The following PCCA variants were observed in gnomAD, a reference collection of about 807,000 sequenced individuals.
PCCA encodes the protein propionyl-CoA carboxylase alpha chain, mitochondrial.
A neutral mutation model predicts 101.3 loss-of-function variants in PCCA; 74 were observed. The ratio of observed to expected loss-of-function variants is 0.73; its 90% CI spans 0.61 to 0.89. The LOEUF is 0.89. PCCA is among the 40% of genes least tolerant of loss of function. The pLI, the probability that PCCA is intolerant of heterozygous loss-of-function variation, is 0.00. For synonymous variants in PCCA, 294 were observed against 313.6 expected, an observed-to-expected ratio of 0.94 and a Z score of 0.66; for missense variants, 891 against 907.0, an observed-to-expected ratio of 0.98 and a Z score of 0.23.
intron 20 of PCCA, among the ~76,000 whole-genome samples, chr13:100,431,649 G>C (rs2079555088): frequency 1.4e-5 from 2 of 144,372 alleles, no homozygotes; most frequent in African/African-American, 2.6e-5. Context: ...GGTGGATCAC[G>C]AGGTCAGGAG....
At chr13:100,256,425 G>A (rs570292968) in intron 8 of PCCA, among the ~76,000 whole-genome samples, 1 of 152,130 alleles carries the variant, frequency 6.6e-6, no homozygotes, top group South Asian at 2.1e-4. Context: ...TCTCTTCTTG[G>A]ATTTGAAGGC....
At chr13:100,169,677 G>A (rs111365682) in intron 6 of PCCA, among the ~76,000 whole-genome samples, 7 of 148,610 alleles carry the variant, frequency 4.7e-5, no homozygotes, top group Admixed American at 2.0e-4. Context: ...ACAGGTGAGC[G>A]CCACCATGCC....
intron 6 of PCCA, among the ~76,000 whole-genome samples, chr13:100,202,393 G>A (rs2058577603): frequency 6.6e-6 from 1 of 151,380 alleles, no homozygotes; most frequent in African/African-American, 2.4e-5. Flanking sequence ...TTACTCAAAA[G>A]AGTTTATTAT....
At chr13:100,430,889 T>C (rs2783230) in intron 20 of PCCA, among the ~76,000 whole-genome samples, 61,932 of 152,082 alleles carry the variant, frequency 0.41, 13,954 homozygotes, top group East Asian at 0.68. Flanking sequence ...TCTGTACTTA[T>C]TATGCCCGGC....
intron 18 of PCCA, among the ~76,000 whole-genome samples, chr13:100,356,115 C>T (rs1328831606): frequency 6.6e-6 from 1 of 152,112 alleles, no homozygotes; most frequent in Non-Finnish European, 1.5e-5. Context: ...TAAAAATGAA[C>T]TTTAAGAATC....
chr13:100,468,922 A>G (rs879490604), intron 21 of PCCA, among the ~76,000 whole-genome samples: 9 of 151,992 alleles, frequency 5.9e-5, no homozygotes, highest in African/African-American at 1.9e-4. Flanking sequence ...CAAAGAAACA[A>G]TCCCTTTGAC....
intron 8 of PCCA, among the ~76,000 whole-genome samples, chr13:100,247,410 G>A (rs772180865): frequency 1.3e-5 from 2 of 150,500 alleles, no homozygotes; most frequent in South Asian, 4.2e-4. Context: ...TAGAGACGAG[G>A]TTTCACCATA....
intron 16 of PCCA, among the ~76,000 whole-genome samples, chr13:100,327,153 A>G (rs1289160780): frequency 6.6e-6 from 1 of 152,196 alleles, no homozygotes; most frequent in Non-Finnish European, 1.5e-5. Context: ...CTGTGAAACC[A>G]TTACCACAGC....
rs182237004 is a variant in PCCA at position 100,364,202 on chromosome 13, G to A, written c.1644-4270G>A. ...GATGACAGCATCTTTCACTAGAAAT[G>A]TACTTCGTTAAAGGAAACTGTATCA... On this transcript the variant is annotated intron_variant, in intron 18 of 23. Coordinates refer to ENST00000376285, the MANE Select transcript of PCCA (RefSeq NM_000282.4). Among the ~76,000 whole-genome samples, 170 of 152,272 alleles carry A rather than the reference G, an allele frequency of 1.1e-3. 1 individual carries two copies. Among genetic ancestry groups the A allele is most frequent in the African/African-American group, 3.9e-3 (161 of 41,548 alleles).
At chr13:100,307,692 A>G (rs575465299) in intron 15 of PCCA, among the ~76,000 whole-genome samples, 9 of 152,270 alleles carry the variant, frequency 5.9e-5, no homozygotes, top group South Asian at 4.2e-4. Context: ...CAAATTACCA[A>G]TTATTTAAGT....
chr13:100,491,608 A>G, intron 21 of PCCA: 1 of 1,276,504 alleles, frequency 7.8e-7, no homozygotes, highest in Non-Finnish European at 1.0e-6. Flanking sequence ...TCGGTTGTGA[A>G]ATAATGGCCA....
chr13:100,381,454 G>A (rs1274899337), intron 19 of PCCA, among the ~76,000 whole-genome samples: 4 of 152,076 alleles, frequency 2.6e-5, no homozygotes, highest in African/African-American at 9.7e-5. Flanking sequence ...TGCTATTGGT[G>A]GGAACGTAAA....
At chr13:100,393,062 T>C (rs527392423) in intron 19 of PCCA, among the ~76,000 whole-genome samples, 3 of 152,280 alleles carry the variant, frequency 2.0e-5, no homozygotes, top group African/African-American at 7.2e-5. Context: ...TTAGCAACCA[T>C]CTGGATGGTG....
intron 22 of PCCA, among the ~76,000 whole-genome samples, chr13:100,524,110 C>T (rs1017673526): frequency 5.3e-5 from 8 of 152,318 alleles, no homozygotes; most frequent in South Asian, 2.1e-4. Flanking sequence ...CAGGAGTCAG[C>T]GCTGCTGGGA....
intron 11 of PCCA, among the ~76,000 whole-genome samples, chr13:100,271,722 A>C (rs978552178): frequency 2.6e-5 from 4 of 152,234 alleles, no homozygotes; most frequent in African/African-American, 4.8e-5. Flanking sequence ...GCTTTTAAGG[A>C]GTTCTTGTTT....
chr13:100,225,536 A>G (rs1271466949), intron 7 of PCCA, among the ~76,000 whole-genome samples: 1 of 152,222 alleles, frequency 6.6e-6, no homozygotes, highest in Non-Finnish European at 1.5e-5. Flanking sequence ...GAAGGAGGCA[A>G]ATAACTAAGA....
At chr13:100,494,607 C>G (rs837320) in intron 21 of PCCA, among the ~76,000 whole-genome samples, 6,939 of 151,166 alleles carry the variant, frequency 0.046, 200 homozygotes, top group South Asian at 0.11. Flanking sequence ...GGGTTTAACC[C>G]GGGAGGCGGA....
intron 21 of PCCA, among the ~76,000 whole-genome samples, chr13:100,509,475 C>T (rs190943579): frequency 7.9e-5 from 12 of 152,204 alleles, no homozygotes; most frequent in Admixed American, 1.3e-4. Context: ...TCTATATGTG[C>T]GCTTTTGAGA....
chr13:100,139,315 T>G (rs1594315621), intron 4 of PCCA, among the ~76,000 whole-genome samples: 1 of 152,066 alleles, frequency 6.6e-6, no homozygotes, highest in East Asian at 1.9e-4. Context: ...AAAAAAATAT[T>G]TTCTCAGCAT....
Sources: allele counts gnomAD v4.1 joint callset (sites outside exome capture counted in the v4.1 genomes callset), GRCh38; gene constraint gnomAD v4.1.1; transcripts MANE v1.5; gene names NCBI Gene and HGNC (gene_info 2026-07-23, HGNC 2026-07-21).